MMD: variants seen among roughly 807,000 people sequenced by gnomAD.
MMD encodes the protein monocyte to macrophage differentiation associated, also known as monocyte to macrophage differentiation factor.
A neutral mutation model predicts 33.6 loss-of-function variants in MMD; 22 were observed. That is an observed-to-expected ratio of 0.66 (90% CI 0.47 to 0.94). MMD has a LOEUF of 0.94. Ranked by LOEUF, MMD falls within the 40% of genes least tolerant of loss-of-function variation. MMD has a pLI of 0.00. For missense variants in MMD, 242 were observed against 309.8 expected, an observed-to-expected ratio of 0.78 and a Z score of 1.64; for synonymous variants, 97 against 103.2, an observed-to-expected ratio of 0.94 and a Z score of 0.36.
rs1907236255 is a variant in MMD at position 55,399,230 on chromosome 17, TG to T, written c.516+2238del. On this transcript the variant is annotated intron_variant, in intron 6 of 6. Coordinates refer to ENST00000262065, the MANE Select transcript of MMD (RefSeq NM_012329.3). ...TCCTTCAAGGATCACAGTCCTGTACTGTTTGGGTTCAGAGCCAAAAAAACAG... is the reference window on the plus strand; with the variant it reads ...TCCTTCAAGGATCACAGTCCTGTACTTTTGGGTTCAGAGCCAAAAAAACAG... Among the ~76,000 whole-genome samples the T allele has an allele frequency of 2.1e-5, 3 of 139,754 alleles. No homozygotes were observed. In the East Asian group the frequency reaches 5.8e-4, roughly 27 times the overall value. 91.7% of individuals were successfully genotyped at this position (139,754 alleles called of 152,430 possible). A position where few individuals can be genotyped will look rare whatever the true frequency, so the allele number is the denominator to read the frequency against.
In MMD at chr17:55,411,258, T is replaced by TTAA; in HGVS notation, c.265_267dup (p.Leu89dup). The TTAA allele has an allele frequency of 6.2e-7, 1 of 1,612,696 alleles. No homozygotes were observed. Among genetic ancestry groups the TTAA allele is most frequent in the Non-Finnish European group, 8.5e-7 (1 of 1,179,362 alleles). On this transcript the variant is annotated inframe_insertion and splice_region_variant, in exon 3 of 7. Transcript: ENST00000262065. ...GAAACAGCATGTCATCCACTGTACC[T>TTAA]TAAGTGGCTCTTTTTCCATGATACA...
chr17:55,411,493 G>A, intron 2 of MMD, 76 bp from the exon 3 acceptor site: 2 of 1,424,718 alleles, frequency 1.4e-6, no homozygotes, highest in East Asian at 2.4e-5. Flanking sequence ...AAAATACAGA[G>A]CTTTACCAGG....
rs1269157812 is a variant in MMD, at chr17:55,421,098, G to A, written c.26+572C>T. Among the ~76,000 whole-genome samples, 4 of 152,244 alleles carry A rather than the reference G, an allele frequency of 2.6e-5. 1 individual carries two copies. The highest frequency in any genetic ancestry group is 2.0e-4 in the Admixed American group (3 of 15,294). On this transcript the variant is annotated intron_variant, in intron 1 of 6. Coordinates refer to ENST00000262065, the MANE Select transcript of MMD (RefSeq NM_012329.3). ...TGGAGAACCAGCAAGGCCCCTACACGGCCAGGCAGGGCTAAGCTGGCGGAG... is the reference window on the plus strand; with the variant it reads ...TGGAGAACCAGCAAGGCCCCTACACAGCCAGGCAGGGCTAAGCTGGCGGAG...
chr17:55,397,204 C>A (rs1197247426), intron 6 of MMD, among the ~76,000 whole-genome samples: 1 of 152,086 alleles, frequency 6.6e-6, no homozygotes, highest in Non-Finnish European at 1.5e-5. Context: ...CTCCGTTGCC[C>A]AGGCTGGAGT....
intron 2 of MMD, among the ~76,000 whole-genome samples, chr17:55,411,828 G>C (rs965838035): frequency 6.6e-6 from 1 of 152,128 alleles, no homozygotes; most frequent in Non-Finnish European, 1.5e-5. Flanking sequence ...TGTAATCCCA[G>C]CACTTTGGGA....
intron 4 of MMD, among the ~76,000 whole-genome samples, chr17:55,406,701 A>G (rs954927503): frequency 6.6e-5 from 10 of 152,106 alleles, no homozygotes; most frequent in African/African-American, 2.2e-4. Context: ...TATCGACAAC[A>G]TGGTGAAACC....
intron 1 of MMD, among the ~76,000 whole-genome samples, chr17:55,414,987 C>T (rs575811766): frequency 1.3e-5 from 2 of 152,272 alleles, no homozygotes; most frequent in South Asian, 4.1e-4. Flanking sequence ...AAATCTGTTA[C>T]ATATATAGAC....
rs150287202 is a variant in MMD at position 55,417,959 on chromosome 17, A to C, written c.26+3711T>G. ...TGGGCCTCACTACCCCTCCAGTCTC[A>C]GGGTGGCATCTTTCTCTCTCTCCAT... On this transcript the variant is annotated intron_variant, in intron 1 of 6. Transcript: ENST00000262065. 3.9e-3 allele frequency among the ~76,000 whole-genome samples: 588 copies of C among 152,320 alleles called. 4 individuals are homozygous for C. The highest frequency in any genetic ancestry group is 4.8e-3 in the Admixed American group (74 of 15,302).
chr17:55,398,130 GAAAAGA>G (rs1907191423), intron 6 of MMD, among the ~76,000 whole-genome samples: 3 of 119,574 alleles, frequency 2.5e-5, no homozygotes, highest in Non-Finnish European at 5.3e-5. Context: ...AAAAAAAAAA[GAAAAGA>G]AAAACTGTAA....
In MMD at chr17:55,396,702, G is replaced by A. The variant is rs145191881; in HGVS notation, c.517-2168C>T. Reference sequence around the variant, plus strand: ...ATGATCTCAGCTCACTGCAAACTCCGCCTCCCAGGTTCAAGTGGATTCTCC... The same window carrying A: ...ATGATCTCAGCTCACTGCAAACTCCACCTCCCAGGTTCAAGTGGATTCTCC... On this transcript the variant is annotated intron_variant, in intron 6 of 6. Coordinates refer to ENST00000262065, the MANE Select transcript of MMD (RefSeq NM_012329.3). Among the ~76,000 whole-genome samples, 830 of 151,616 alleles carry A rather than the reference G, an allele frequency of 5.5e-3. 11 individuals carry two copies. Among genetic ancestry groups the A allele is most frequent in the African/African-American group, 0.018 (762 of 41,336 alleles).
chr17:55,394,931 T>A (rs1907045254), intron 6 of MMD, among the ~76,000 whole-genome samples: 1 of 152,258 alleles, frequency 6.6e-6, no homozygotes. Context: ...ACTCTATTTA[T>A]AATTTACATC....
At chr17:55,396,474 C>A (rs1487799639) in intron 6 of MMD, among the ~76,000 whole-genome samples, 1 of 152,148 alleles carries the variant, frequency 6.6e-6, no homozygotes, top group African/African-American at 2.4e-5. Context: ...TATTTGGTTT[C>A]ATCCATCCTT....
At chr17:55,409,338 G>T (rs1907675483) in intron 3 of MMD, among the ~76,000 whole-genome samples, 1 of 152,146 alleles carries the variant, frequency 6.6e-6, no homozygotes, top group Non-Finnish European at 1.5e-5. Flanking sequence ...AAAACTCCTT[G>T]GATGACTGTG....
intron 6 of MMD, among the ~76,000 whole-genome samples, chr17:55,398,557 A>T (rs1202156912): frequency 6.6e-6 from 1 of 151,664 alleles, no homozygotes; most frequent in East Asian, 1.9e-4. Flanking sequence ...ATTTTATTAC[A>T]TTATTATTGA....
chr17:55,399,220 A>C (rs1598429438), intron 6 of MMD, among the ~76,000 whole-genome samples: 1 of 150,748 alleles, frequency 6.6e-6, no homozygotes, highest in South Asian at 2.1e-4. Flanking sequence ...CAAGGATCAC[A>C]GTCCTGTACT....
At chr17:55,404,366 G>T in intron 4 of MMD, 2 of 710,198 alleles carry the variant, frequency 2.8e-6, no homozygotes, top group Non-Finnish European at 1.7e-6. Flanking sequence ...AAAAAAAAAA[G>T]AATTAGTTTC....
intron 1 of MMD, among the ~76,000 whole-genome samples, chr17:55,421,465 G>T (rs1379530779): frequency 2.6e-5 from 4 of 152,232 alleles, no homozygotes; most frequent in African/African-American, 9.6e-5. Context: ...GGAGACCCGG[G>T]TGAGGCAGGA....
At position 55,393,089 on chromosome 17, in the gene MMD, T is replaced by C. The variant is rs953167922; in HGVS notation, c.*1245A>G. On this transcript the variant is annotated 3_prime_UTR_variant, in exon 7 of 7. Coordinates refer to ENST00000262065, the MANE Select transcript of MMD (RefSeq NM_012329.3). ...TTAAAACACCAACAAGAGAGATTAA[T>C]CAACAAAGCAACTATTAACAACATG... 1 of 151,842 alleles carries C rather than the reference T, an allele frequency of 6.6e-6. No homozygotes were observed. The highest frequency in any genetic ancestry group is 1.5e-5 in the Non-Finnish European group (1 of 67,978). The allele number at this position is 151,842 out of a possible 1,614,324, so 9.4% of individuals were successfully genotyped here.
rs569373013 is a variant in MMD at position 55,413,726 on chromosome 17, C to CCCCAT, written c.108+420_108+424dup. Among the ~76,000 whole-genome samples the CCCCAT allele has an allele frequency of 1.3e-4, 20 of 152,230 alleles. No individual in the cohort carries two copies. The East Asian group carries it at 2.7e-3, about 21-fold the overall frequency. On this transcript the variant is annotated intron_variant, in intron 2 of 6. Coordinates refer to ENST00000262065, the MANE Select transcript of MMD (RefSeq NM_012329.3). ...AGGAGTGGGAGGCTATGGCTCCCCT[C>CCCCAT]CCCATTTCAGAGGATCACTTAATTT...
Sources: gnomAD v4.1 joint callset for allele counts (sites outside exome capture counted in the v4.1 genomes callset) on GRCh38, gnomAD v4.1.1 for gene constraint, MANE v1.5 for transcripts, NCBI Gene and HGNC (gene_info 2026-07-23, HGNC 2026-07-21) for gene names.